Variants in PSPC1 observed in about 807,000 individuals in gnomAD.
PSPC1 encodes paraspeckle protein 1.
In PSPC1, 14 loss-of-function variants were observed where a neutral mutation model predicts 51.6. The ratio of observed to expected loss-of-function variants is 0.27; its 90% CI spans 0.18 to 0.42. The LOEUF (loss-of-function observed/expected upper bound fraction) is 0.42, where lower values mean the gene tolerates loss of function less well. PSPC1 is among the 10% of genes least tolerant of loss of function. The probability of loss-of-function intolerance (pLI) is 1.00; values close to 1 mark genes in which losing one functional copy is unlikely to be tolerated. For synonymous variants in PSPC1, 193 were observed against 231.9 expected, an observed-to-expected ratio of 0.83 and a Z score of 1.53; for missense variants, 406 against 701.1, an observed-to-expected ratio of 0.58 and a Z score of 4.75.
At chr13:19,711,445 G>A (rs1484408443) in intron 6 of PSPC1, among the ~76,000 whole-genome samples, 1 of 151,914 alleles carries the variant, frequency 6.6e-6, no homozygotes, top group Non-Finnish European at 1.5e-5. Context: ...GACCATCCTG[G>A]CTAACACGGT....
chr13:19,727,778 A>G (rs1229304726), intron 6 of PSPC1, among the ~76,000 whole-genome samples: 1 of 152,240 alleles, frequency 6.6e-6, no homozygotes, highest in African/African-American at 2.4e-5. Flanking sequence ...TTCCAGAATA[A>G]TAGCTTTTAA....
intron 2 of PSPC1, among the ~76,000 whole-genome samples, chr13:19,759,915 T>C (rs989576521): frequency 2.0e-5 from 3 of 148,802 alleles, no homozygotes; most frequent in African/African-American, 7.4e-5. Flanking sequence ...GAGAGGTGAA[T>C]GTCAAAAGCC....
At chr13:19,672,236 C>A (rs533238645), downstream of PSPC1, 2 of 192,252 alleles carry the variant, frequency 1.0e-5, no homozygotes, top group South Asian at 2.1e-4. Context: ...GCTCTGCCTC[C>A]TGGGTTCAAG....
At chr13:19,713,631 T>C (rs551339379) in intron 6 of PSPC1, among the ~76,000 whole-genome samples, 16 of 151,360 alleles carry the variant, frequency 1.1e-4, no homozygotes, top group African/African-American at 3.4e-4. Flanking sequence ...ATTTATAAGA[T>C]TGTATGCCTT....
downstream of PSPC1, chr13:19,671,928 T>C: frequency 1.9e-6 from 3 of 1,563,726 alleles, no homozygotes; most frequent in Non-Finnish European, 2.6e-6. Flanking sequence ...CTATACTCTC[T>C]TTGACAGCAG....
intron 5 of PSPC1, among the ~76,000 whole-genome samples, chr13:19,738,925 A>T (rs1885136899): frequency 6.6e-6 from 1 of 151,764 alleles, no homozygotes; most frequent in African/African-American, 2.4e-5. Flanking sequence ...AAAAAAAGAG[A>T]ATGACAAGTT....
At chr13:19,734,166 T>G (rs1260371584) in intron 5 of PSPC1, among the ~76,000 whole-genome samples, 3 of 152,190 alleles carry the variant, frequency 2.0e-5, no homozygotes. Flanking sequence ...AATGCTTTAA[T>G]GACCACCTTT....
In PSPC1 at chr13:19,703,145, T is replaced by C. The variant is rs1295198065; in HGVS notation, c.*30A>G. ...ATAAAGGCATACCACTGACTTTTTT[T>C]TTTCTAGATAGCCAGGAATGAACGA... On this transcript the variant is annotated 3_prime_UTR_variant, in exon 9 of 9. Coordinates refer to ENST00000338910, the MANE Select transcript of PSPC1 (RefSeq NM_001354909.2). 2 of 1,609,590 alleles carry C rather than the reference T, an allele frequency of 1.2e-6. No homozygotes were observed. Among genetic ancestry groups the C allele is most frequent in the Non-Finnish European group, 1.7e-6 (2 of 1,177,122 alleles).
chr13:19,675,038 A>G (rs1044974000), intron 7 of PSPC1: 1 of 152,582 alleles, frequency 6.6e-6, no homozygotes, highest in Non-Finnish European at 1.5e-5. Flanking sequence ...AGATCAGGAA[A>G]CAAGATCAAG....
At chr13:19,716,592 C>CA (rs1342718002) in intron 6 of PSPC1, among the ~76,000 whole-genome samples, 1 of 152,074 alleles carries the variant, frequency 6.6e-6, no homozygotes, top group Non-Finnish European at 1.5e-5. Context: ...TCACCACATG[C>CA]TATTTAGGTT....
chr13:19,676,802 C>A (rs190394244), intron 7 of PSPC1, among the ~76,000 whole-genome samples: 1 of 152,110 alleles, frequency 6.6e-6, no homozygotes, highest in East Asian at 1.9e-4. Context: ...GACAATGTAC[C>A]CATGGGAATT....
At chr13:19,698,375 A>AT (rs1593554775), downstream of PSPC1, among the ~76,000 whole-genome samples, 1 of 152,004 alleles carries the variant, frequency 6.6e-6, no homozygotes, top group East Asian at 1.9e-4. Flanking sequence ...CAAAACACTT[A>AT]AACAAAGCAT....
At chr13:19,675,736 CCTAAAGTAATTTG>C (rs1321771294) in intron 7 of PSPC1, 1 of 152,100 alleles carries the variant, frequency 6.6e-6, no homozygotes, top group African/African-American at 2.4e-5. Context: ...AGCTTTCAGT[CCTAAAGTAATTTG>C]CTAGACTAGA....
chr13:19,769,030 C>T (rs1027534576), intron 2 of PSPC1, among the ~76,000 whole-genome samples: 6 of 150,560 alleles, frequency 4.0e-5, no homozygotes, highest in Non-Finnish European at 7.4e-5. Flanking sequence ...GTCCCAGCTA[C>T]TCAGGAGGCT....
chr13:19,672,080 G>A, downstream of PSPC1: 1 of 567,400 alleles, frequency 1.8e-6, no homozygotes, highest in Non-Finnish European at 3.1e-6. Context: ...TGTCCAGACT[G>A]CGTATTTCAG....
chr13:19,680,280 G>A (rs1434564020), intron 6 of PSPC1, among the ~76,000 whole-genome samples: 3 of 152,152 alleles, frequency 2.0e-5, no homozygotes, highest in South Asian at 2.1e-4. Flanking sequence ...CTCCCAAAGT[G>A]CTGGGATTAT....
rs530135107 is a variant in PSPC1, at chr13:19,734,662, C to T, written c.1053-4318G>A. 3.7e-4 allele frequency among the ~76,000 whole-genome samples: 56 copies of T among 152,104 alleles called. 1 individual carries two copies. The highest frequency in any genetic ancestry group is 1.1e-3 in the African/African-American group (46 of 41,500). On this transcript the variant is annotated intron_variant, in intron 5 of 8. Transcript: ENST00000338910. ...ACTACAACTACAAAAACTAGCCTGG[C>T]GTGGTGGCAGGTGCCTGTAATCCCA...
intron 3 of PSPC1, among the ~76,000 whole-genome samples, chr13:19,758,512 T>C (rs1411549292): frequency 1.3e-5 from 2 of 151,954 alleles, no homozygotes; most frequent in East Asian, 1.9e-4. Flanking sequence ...TAACCTACAA[T>C]AGACTTGAAG....
Position 19,741,606 on chromosome 13 carries a change from G to C in PSPC1, c.1011C>G (p.Leu337=), listed in dbSNP as rs756419996. 27 of 1,606,518 alleles carry C rather than the reference G, an allele frequency of 1.7e-5. No homozygotes were observed. The highest frequency in any genetic ancestry group is 8.4e-5 in the Admixed American group (5 of 59,468). The change falls in exon 5 of 9, where the codon CTC becomes CTG. Residue 337 remains leucine, a synonymous_variant. Transcript: ENST00000338910. ...TCCGTTTTTGCAACTCTTGGTTTCTGAGTTCTTCCAAGCGTCTGAGTTCTT... is the reference window on the plus strand; with the variant it reads ...TCCGTTTTTGCAACTCTTGGTTTCTCAGTTCTTCCAAGCGTCTGAGTTCTT... ...RQEELRRLEE[L]RNQELQKRKQ... is the part of the protein sequence containing the mutation.
Sources: gnomAD v4.1 joint callset for allele counts (sites outside exome capture counted in the v4.1 genomes callset) on GRCh38, gnomAD v4.1.1 for gene constraint, MANE v1.5 for transcripts, NCBI Gene and HGNC (gene_info 2026-07-23, HGNC 2026-07-21) for gene names.